FANCM: variants seen among roughly 807,000 people sequenced by gnomAD.
The protein encoded by FANCM is FA complementation group M.
A neutral mutation model predicts 199.5 loss-of-function variants in FANCM; 140 were observed. That is an observed-to-expected ratio of 0.70 (90% confidence interval 0.61 to 0.81). The LOEUF (loss-of-function observed/expected upper bound fraction) is 0.81. Among genes scored for constraint, FANCM ranks in the 30% least tolerant of loss-of-function variants. FANCM has a pLI of 0.00. For missense variants in FANCM, 2,410 were observed against 2,421.4 expected, an observed-to-expected ratio of 1.00 and a Z score of 0.10; for synonymous variants, 840 against 836.8, an observed-to-expected ratio of 1.00 and a Z score of -0.07.
intron 13 of FANCM, 75 bp downstream of exon 13, chr14:45,173,285 T>G: frequency 7.6e-7 from 1 of 1,319,946 alleles, no homozygotes; most frequent in African/African-American, 1.4e-5. Flanking sequence ...TTTTCTTAAT[T>G]TGAAGTAATA....
intron 1 of FANCM, 68 bp downstream of exon 1, chr14:45,136,607 A>G (rs1885531247): frequency 5.5e-6 from 8 of 1,466,128 alleles, no homozygotes; most frequent in Admixed American, 5.0e-5. Context: ...ATAGTTCCCA[A>G]GCTACAACAT....
chr14:45,196,451 A>C lies in FANCM; in HGVS notation c.5620A>C (p.Ser1874Arg). 1.2e-6 allele frequency: 2 copies of C among 1,614,140 alleles called. No homozygotes were observed. The highest frequency in any genetic ancestry group is 1.7e-6 in the Non-Finnish European group (2 of 1,179,982). Reference sequence around the variant, plus strand: ...GAGGTCTCAATCTGAGATGTTAAATAGTGTCAATAAGAACAAGTTCATTGA... The same window carrying C: ...GAGGTCTCAATCTGAGATGTTAAATCGTGTCAATAAGAACAAGTTCATTGA... ...ERRSQSEMLN[S>R]VNKNKFIEQI... The change falls in exon 21 of 23, where the codon AGT (serine) becomes CGT (arginine). Residue 1874 changes from serine to arginine, a missense_variant. Physicochemically the swap from Ser to Arg is moderately radical, Grantham distance 110. Transcript: ENST00000267430.
intron 3 of FANCM, among the ~76,000 whole-genome samples, chr14:45,144,317 C>G (rs1886205025): frequency 6.6e-6 from 1 of 150,744 alleles, no homozygotes; most frequent in Non-Finnish European, 1.5e-5. Context: ...CCTCCACCCC[C>G]CTCGCCCACT....
intron 2 of FANCM, chr14:45,137,934 AG>A (rs1165372415): frequency 6.6e-6 from 1 of 152,164 alleles, no homozygotes; most frequent in East Asian, 1.9e-4. Flanking sequence ...GAGATTAGAG[AG>A]AAGAAGGCTA....
In FANCM at chr14:45,175,362, A is replaced by G. The variant is rs1453998176; in HGVS notation, c.2608A>G (p.Asn870Asp). Residue 870 changes from asparagine to aspartate, a missense_variant, in exon 14 of 23, where the codon AAT becomes GAT. Physicochemically the swap from Asn to Asp is conservative, Grantham distance 23 (BLOSUM62 1). Coordinates refer to ENST00000267430, the MANE Select transcript of FANCM (RefSeq NM_020937.4). Reference sequence around the variant, plus strand: ...AAAAAAAGATCAGCTTAAAAAAGAAAATAATCACGGTATTATAGATTCTGT... The same window carrying G: ...AAAAAAAGATCAGCTTAAAAAAGAAGATAATCACGGTATTATAGATTCTGT... ...EIKKDQLKKENNHGIIDSVDN... is the reference protein window; with the variant it reads ...EIKKDQLKKEDNHGIIDSVDN... 12 of 1,561,826 alleles carry G rather than the reference A, an allele frequency of 7.7e-6. No homozygotes were observed. Among genetic ancestry groups the G allele is most frequent in the Non-Finnish European group, 1.0e-5 (12 of 1,153,524 alleles).
intron 8 of FANCM, among the ~76,000 whole-genome samples, chr14:45,158,743 A>G (rs1381357627): frequency 6.6e-6 from 1 of 152,226 alleles, no homozygotes; most frequent in African/African-American, 2.4e-5. Context: ...ATTTTATTTT[A>G]TGACAGCCAA....
intron 14 of FANCM, among the ~76,000 whole-genome samples, chr14:45,179,379 T>C (rs1271415751): frequency 6.6e-6 from 1 of 152,088 alleles, no homozygotes; most frequent in Non-Finnish European, 1.5e-5. Flanking sequence ...AGAAAATTTC[T>C]TAATTTTATC....
At chr14:45,169,847 A>T (rs1245009213) in intron 11 of FANCM, among the ~76,000 whole-genome samples, 1 of 152,178 alleles carries the variant, frequency 6.6e-6, no homozygotes, top group Non-Finnish European at 1.5e-5. Context: ...TATTTTTAAA[A>T]GTCTATTATG....
At chr14:45,149,358 C>T (rs771449889) in intron 4 of FANCM, among the ~76,000 whole-genome samples, 1 of 152,020 alleles carries the variant, frequency 6.6e-6, no homozygotes, top group Non-Finnish European at 1.5e-5. Context: ...TGAATTTTCA[C>T]AAATTGCACA....
chr14:45,193,649 T>C (rs1359961819), intron 20 of FANCM, among the ~76,000 whole-genome samples: 2 of 152,236 alleles, frequency 1.3e-5, no homozygotes, highest in African/African-American at 4.8e-5. Flanking sequence ...AGGGTTTATT[T>C]CTAGGCTCTC....
chr14:45,175,283 T>C lies in FANCM; in HGVS notation c.2529T>C (p.Thr843=), dbSNP rs942466979. The C allele has an allele frequency of 6.3e-7, 1 of 1,596,770 alleles. No individual in the cohort carries two copies. The highest frequency in any genetic ancestry group is 1.3e-5 in the African/African-American group (1 of 74,134). Residue 843 remains threonine, a synonymous_variant, in exon 14 of 23, where the codon ACT becomes ACC. Transcript: ENST00000267430. The part of the protein sequence containing the change: ...DEECAEIVKQ[T]HIKPTKIVSL... Reference sequence around the variant, plus strand: ...AATGTGCTGAAATTGTTAAACAAACTCATATCAAACCTACTAAAATTGTTT... The same window carrying C: ...AATGTGCTGAAATTGTTAAACAAACCCATATCAAACCTACTAAAATTGTTT...
intron 3 of FANCM, 135 bp downstream of exon 3, chr14:45,140,844 C>G: frequency 1.4e-6 from 1 of 693,624 alleles, no homozygotes; most frequent in Non-Finnish European, 2.6e-6. Context: ...AATTCCAGAC[C>G]AGCCTGGGCA....
chr14:45,164,551 G>A lies in FANCM; in HGVS notation c.1774G>A (p.Gly592Arg). ...QGRIVIILSE[G>R]REERIYNQSQ... ...CAGGATAGTTATTATCCTTTCTGAAGGACGAGAGGAACGTGTAAGTAGAGC... is the reference window on the plus strand; with the variant it reads ...CAGGATAGTTATTATCCTTTCTGAAAGACGAGAGGAACGTGTAAGTAGAGC... Residue 592 changes from glycine (G) to arginine (R), a missense_variant, in exon 10 of 23, where the codon GGA (glycine) becomes AGA (arginine). Physicochemically the swap from Gly to Arg is moderately radical, Grantham distance 125. Coordinates refer to ENST00000267430, the MANE Select transcript of FANCM (RefSeq NM_020937.4). 1 of 1,611,988 alleles carries A rather than the reference G, an allele frequency of 6.2e-7. No homozygotes were observed. Among genetic ancestry groups the A allele is most frequent in the Non-Finnish European group, 8.5e-7 (1 of 1,179,236 alleles).
At chr14:45,170,345 A>G (rs892596667) in intron 11 of FANCM, among the ~76,000 whole-genome samples, 1 of 152,176 alleles carries the variant, frequency 6.6e-6, no homozygotes, top group African/African-American at 2.4e-5. Flanking sequence ...TGGGCAACAT[A>G]TCAAGACTTC....
Position 45,155,356 on chromosome 14 carries a change from TTTTTG to T in FANCM, c.1310-9_1310-5del. 2.7e-6 allele frequency: 3 copies of T among 1,113,586 alleles called. No individual in the cohort carries two copies. The highest frequency in any genetic ancestry group is 4.1e-6 in the Non-Finnish European group (3 of 732,518). The allele number at this position is 1,113,586 out of a possible 1,614,324, so 69.0% of individuals were successfully genotyped here. A position where few individuals can be genotyped will look rare whatever the true frequency, so the allele number is the denominator to read the frequency against. On this transcript the variant is annotated splice_polypyrimidine_tract_variant and intron_variant, in intron 7 of 22. Coordinates refer to ENST00000267430, the MANE Select transcript of FANCM (RefSeq NM_020937.4). ...AAAAAAACAGAAAAAAATTTTGATA[TTTTTG>T]TTTTGTTCCAGGAGATAAAAATAAA... is the stretch of plus-strand genomic sequence containing the variant.
rs1886617898 is a variant in FANCM at position 45,148,858 on chromosome 14, A to G, written c.781A>G (p.Asn261Asp). The change falls in exon 4 of 23, where the codon AAC (asparagine) becomes GAC (aspartate). Residue 261 changes from asparagine (N) to aspartate (D), a missense_variant. Asn to Asp is a conservative substitution (Grantham distance 23, BLOSUM62 1). Transcript: ENST00000267430. ...ATAGGCTGTGCAACAAGTTATTACT[A>G]ACCTGCTAATTGGGCAGATAGAGCT... ...DIKAVQQVITNLLIGQIELRS... is the reference protein window; with the variant it reads ...DIKAVQQVITDLLIGQIELRS... The G allele has an allele frequency of 1.2e-6, 2 of 1,609,836 alleles. No homozygotes were observed. The highest frequency in any genetic ancestry group is 1.7e-6 in the Non-Finnish European group (2 of 1,176,606).
intron 3 of FANCM, among the ~76,000 whole-genome samples, chr14:45,145,985 G>C (rs1886341536): frequency 6.8e-6 from 1 of 147,788 alleles, no homozygotes; most frequent in Non-Finnish European, 1.5e-5. Flanking sequence ...CGTGAACCCG[G>C]GAGGCGGAGC....
chr14:45,154,258 G>A (rs1443100670), intron 6 of FANCM, among the ~76,000 whole-genome samples: 1 of 151,882 alleles, frequency 6.6e-6, no homozygotes, highest in Non-Finnish European at 1.5e-5. Flanking sequence ...AAAATTAGCT[G>A]GGTATGATGG....
chr14:45,175,628 C>T lies in FANCM; in HGVS notation c.2874C>T (p.Asn958=). 6.2e-7 allele frequency: 1 copy of T among 1,613,430 alleles called. No individual in the cohort carries two copies. Among genetic ancestry groups the T allele is most frequent in the South Asian group, 1.1e-5 (1 of 91,064 alleles). Residue 958 remains asparagine (N), a synonymous_variant, in exon 14 of 23, where the codon AAC becomes AAT. Transcript: ENST00000267430. The stretch of plus-strand genomic sequence containing the variant: ...ATGATGAAAAATCTGTTTCATCTAA[C>T]TTATTTCTTCCATTCGAAGAAGAGC... ...SFNDEKSVSS[N]LFLPFEEELY... is the part of the protein sequence containing the mutation.
Sources: allele counts gnomAD v4.1 joint callset (sites outside exome capture counted in the v4.1 genomes callset), GRCh38; gene constraint gnomAD v4.1.1; transcripts MANE v1.5; gene names NCBI Gene and HGNC (gene_info 2026-07-23, HGNC 2026-07-21).